USH2A: variants seen among roughly 807,000 people sequenced by gnomAD.
The protein encoded by USH2A is usherin.
Under a neutral mutation model 538.9 loss-of-function variants are expected in USH2A, and 443 were observed. The ratio of observed to expected loss-of-function variants is 0.82; its 90% CI spans 0.76 to 0.89. USH2A has a LOEUF of 0.89. Among genes scored for constraint, USH2A ranks in the 40% least tolerant of loss-of-function variants. USH2A has a pLI of 0.00. For missense variants in USH2A, 6,633 were observed against 6,324.8 expected (o/e 1.05, Z -1.65); for synonymous variants, 2,413 against 2,273.5 (o/e 1.06, Z -1.75).
intron 3 of USH2A, among the ~76,000 whole-genome samples, chr1:216,406,369 A>AT (rs1297540842): frequency 6.6e-6 from 1 of 152,184 alleles, no homozygotes; most frequent in Non-Finnish European, 1.5e-5. Flanking sequence ...TTAATTAAGA[A>AT]TAAACAAATA....
intron 44 of USH2A, among the ~76,000 whole-genome samples, chr1:215,848,624 G>T (rs1326347880): frequency 6.6e-6 from 1 of 152,186 alleles, no homozygotes. Flanking sequence ...CATTGTTTAT[G>T]TCTTACTGCA....
At chr1:215,851,540 G>T (rs1170472424) in intron 44 of USH2A, among the ~76,000 whole-genome samples, 1 of 151,996 alleles carries the variant, frequency 6.6e-6, no homozygotes, top group Non-Finnish European at 1.5e-5. Context: ...AGATTGAAAT[G>T]GTAATTATAA....
rs78814231 is a variant in USH2A, at chr1:215,996,571, T to G, written c.6657+2316A>C. ...TAGCAACATATTATGTTTTTTTTTTTTTTTTTTTTTTTTTTTTTTTTTTTG... is the reference window on the plus strand; with the variant it reads ...TAGCAACATATTATGTTTTTTTTTTGTTTTTTTTTTTTTTTTTTTTTTTTG... On this transcript the variant is annotated intron_variant, in intron 34 of 71. Coordinates refer to ENST00000307340, the MANE Select transcript of USH2A (RefSeq NM_206933.4). Among the ~76,000 whole-genome samples the G allele has an allele frequency of 5.9e-3, 544 of 92,010 alleles. 1 individual carries two copies. The highest frequency in any genetic ancestry group is 0.014 in the African/African-American group (390 of 28,338). The allele number at this position is 92,010 out of a possible 152,430, so 60.4% of individuals were successfully genotyped here. A position where few individuals can be genotyped will look rare whatever the true frequency, so the allele number is the denominator to read the frequency against.
At chr1:215,662,481 T>C (rs764868209) in intron 64 of USH2A, among the ~76,000 whole-genome samples, 25 of 152,196 alleles carry the variant, frequency 1.6e-4, no homozygotes, top group Non-Finnish European at 2.9e-4. Flanking sequence ...TCCTAAGGGT[T>C]GCCATGAGAG....
At chr1:216,142,655 G>A (rs1286711052) in intron 21 of USH2A, among the ~76,000 whole-genome samples, 1 of 152,116 alleles carries the variant, frequency 6.6e-6, no homozygotes, top group African/African-American at 2.4e-5. Context: ...AATGTCCAGA[G>A]ATCAGTAAAA....
At chr1:216,404,288 ACAAGCTTAT>A (rs2039355332) in intron 3 of USH2A, among the ~76,000 whole-genome samples, 2 of 152,170 alleles carry the variant, frequency 1.3e-5, no homozygotes, top group Non-Finnish European at 2.9e-5. Flanking sequence ...GAAAACATCA[ACAAGCTTAT>A]TGTGAAATTT....
At chr1:216,326,126 A>G (rs550076230) in intron 5 of USH2A, among the ~76,000 whole-genome samples, 49 of 152,232 alleles carry the variant, frequency 3.2e-4, no homozygotes, top group Non-Finnish European at 6.2e-4. Context: ...TCATCAGTAC[A>G]GATCCTGACA....
chr1:215,728,484 T>A, intron 60 of USH2A, 100 bp from the exon 61 acceptor site: 2 of 1,208,862 alleles, frequency 1.7e-6, no homozygotes, highest in Non-Finnish European at 1.2e-6. Context: ...GTTATCAACT[T>A]AACTTTTCAG....
intron 44 of USH2A, among the ~76,000 whole-genome samples, chr1:215,858,184 C>T (rs143870793): frequency 6.8e-4 from 103 of 152,162 alleles, no homozygotes; most frequent in African/African-American, 2.3e-3. Context: ...TATATTTTCT[C>T]AGATATTCTA....
At chr1:216,180,593 A>T (rs1334784963) in intron 20 of USH2A, among the ~76,000 whole-genome samples, 4 of 152,114 alleles carry the variant, frequency 2.6e-5, no homozygotes. Context: ...ACTGGTCTTT[A>T]AAATGGAATC....
At chr1:215,739,245 T>C (rs546172761) in intron 60 of USH2A, among the ~76,000 whole-genome samples, 3 of 152,340 alleles carry the variant, frequency 2.0e-5, no homozygotes, top group Admixed American at 1.3e-4. Flanking sequence ...TTGAGTCTGC[T>C]AGGCAGTAAC....
chr1:216,012,598 A>G (rs189004771), intron 32 of USH2A, among the ~76,000 whole-genome samples: 119 of 152,234 alleles, frequency 7.8e-4, no homozygotes, highest in African/African-American at 2.8e-3. Flanking sequence ...TCAGCCAAGC[A>G]GTTTTTCAGG....
intron 64 of USH2A, among the ~76,000 whole-genome samples, chr1:215,665,499 G>A (rs1166014763): frequency 3.3e-5 from 5 of 152,298 alleles, no homozygotes; most frequent in Non-Finnish European, 2.9e-5. Flanking sequence ...TATCAAATCC[G>A]TGGTGAGTCT....
intron 42 of USH2A, among the ~76,000 whole-genome samples, chr1:215,878,141 T>G (rs1372990921): frequency 6.6e-6 from 1 of 152,188 alleles, no homozygotes; most frequent in Non-Finnish European, 1.5e-5. Flanking sequence ...TTAGATTTCT[T>G]CTAAGTTAGA....
At chr1:215,815,775 A>G (rs1233286911) in intron 48 of USH2A, among the ~76,000 whole-genome samples, 2 of 152,020 alleles carry the variant, frequency 1.3e-5, no homozygotes, top group Non-Finnish European at 2.9e-5. Flanking sequence ...ACTTAAATGG[A>G]AACATTATCT....
intron 21 of USH2A, among the ~76,000 whole-genome samples, chr1:216,171,325 G>C (rs2034272236): frequency 6.6e-6 from 1 of 151,822 alleles, no homozygotes; most frequent in Non-Finnish European, 1.5e-5. Flanking sequence ...CAATTTAATA[G>C]ATGAGCAAGA....
intron 32 of USH2A, among the ~76,000 whole-genome samples, chr1:216,039,722 C>T (rs1441507383): frequency 6.6e-6 from 1 of 151,818 alleles, no homozygotes; most frequent in Non-Finnish European, 1.5e-5. Flanking sequence ...TGATAAGGTT[C>T]CTTATAACGC....
chr1:215,894,490 T>C (rs1665277160), intron 40 of USH2A, among the ~76,000 whole-genome samples: 1 of 152,098 alleles, frequency 6.6e-6, no homozygotes. Flanking sequence ...TGTTACACGG[T>C]CTCAGAGTAT....
chr1:216,323,276 TTATATATA>T lies in USH2A; in HGVS notation c.1550+190_1550+197del, dbSNP rs67957139. Among the ~76,000 whole-genome samples the T allele has an allele frequency of 0.02, 2,703 of 137,086 alleles. 92 individuals carry two copies. The highest frequency in any genetic ancestry group is 0.065 in the African/African-American group (2,469 of 37,760). 89.9% of individuals were successfully genotyped at this position (137,086 alleles called of 152,430 possible). On this transcript the variant is annotated intron_variant, in intron 8 of 71. Coordinates refer to ENST00000307340, the MANE Select transcript of USH2A (RefSeq NM_206933.4). ...TATATATTTATTTATAAAATACGTT[TTATATATA>T]TATATATATATATATATAACAATGT...
Sources: allele counts gnomAD v4.1 joint callset (sites outside exome capture counted in the v4.1 genomes callset), GRCh38; gene constraint gnomAD v4.1.1; transcripts MANE v1.5; gene names NCBI Gene and HGNC (gene_info 2026-07-23, HGNC 2026-07-21).